The following CD276 variants were observed in gnomAD, a reference collection of about 807,000 sequenced individuals.
CD276 encodes the protein CD276 molecule.
CD276 carries 34 observed loss-of-function variants against 50.0 expected under a neutral mutation model. The ratio of observed to expected loss-of-function variants is 0.68; its 90% confidence interval spans 0.52 to 0.91. The LOEUF (loss-of-function observed/expected upper bound fraction) is 0.91, where lower values mean the gene tolerates loss of function less well. Among genes scored for constraint, CD276 ranks in the 40% least tolerant of loss-of-function variants. CD276 has a pLI of 0.00. For synonymous variants in CD276, 275 were observed against 313.0 expected, an observed-to-expected ratio of 0.88 and a Z score of 1.28; for missense variants, 634 against 717.5, an observed-to-expected ratio of 0.88 and a Z score of 1.33.
At chr15:73,708,494 G>A in intron 7 of CD276, 21 bp downstream of exon 7, 1 of 1,607,984 alleles carries the variant, frequency 6.2e-7, no homozygotes, top group Non-Finnish European at 8.5e-7. Context: ...GTGTATGTGT[G>A]TGCGTGCGCA....
chr15:73,706,919 C>A lies in CD276; in HGVS notation c.1370-1420C>A, dbSNP rs1031624703. Among the ~76,000 whole-genome samples the A allele has an allele frequency of 9.9e-5, 15 of 152,236 alleles. No individual in the cohort carries two copies. In the East Asian group the frequency reaches 2.7e-3, roughly 28 times the overall value. On this transcript the variant is annotated intron_variant, in intron 6 of 9. Coordinates refer to ENST00000318443, the MANE Select transcript of CD276 (RefSeq NM_001024736.2). ...AGTATTTCCATGGCTCTGCCCCCTCCTCTGCTGTCAGAGCCCCATGATGGG... is the reference window on the plus strand; with the variant it reads ...AGTATTTCCATGGCTCTGCCCCCTCATCTGCTGTCAGAGCCCCATGATGGG...
intron 9 of CD276, chr15:73,711,479 TG>T (rs1442024456): frequency 2.9e-6 from 1 of 340,108 alleles, no homozygotes; most frequent in African/African-American, 2.1e-5. Context: ...ACCTGGATTC[TG>T]CCCTCTTCAA....
At position 73,708,484 on chromosome 15, in the gene CD276, G is replaced by A. The variant is rs1596020018; in HGVS notation, c.1504+11G>A. ...AGGAGGAGAATGCAGGTGAGTGTGT[G>A]TGTATGTGTGTGCGTGCGCATGCAC... On this transcript the variant is annotated intron_variant, in intron 7 of 9. Transcript: ENST00000318443. 3.7e-6 allele frequency: 6 copies of A among 1,610,812 alleles called. No individual in the cohort carries two copies. The highest frequency in any genetic ancestry group is 1.3e-5 in the African/African-American group (1 of 74,900).
chr15:73,711,541 C>A (rs998942145), intron 9 of CD276: 1 of 215,006 alleles, frequency 4.7e-6, no homozygotes, highest in Non-Finnish European at 9.4e-6. Flanking sequence ...TCCCACGCCC[C>A]CTCCAGAGCC....
chr15:73,708,097 G>A (rs1900718784), intron 6 of CD276, among the ~76,000 whole-genome samples: 2 of 152,230 alleles, frequency 1.3e-5, no homozygotes, highest in Admixed American at 1.3e-4. Context: ...AGGTACTTGA[G>A]CATCAATTCA....
At chr15:73,694,170 C>T (rs1004544407) in intron 1 of CD276, among the ~76,000 whole-genome samples, 1 of 152,130 alleles carries the variant, frequency 6.6e-6, no homozygotes, top group East Asian at 1.9e-4. Context: ...ATCTCCAGGT[C>T]TCCTTGTTAT....
rs758852090 is a variant in CD276, at chr15:73,708,288, G to A, written c.1370-51G>A. On this transcript the variant is annotated intron_variant, in intron 6 of 9. Coordinates refer to ENST00000318443, the MANE Select transcript of CD276 (RefSeq NM_001024736.2). ...CTTGGAGCCAATGGTGCTGTCCTCC[G>A]GGACATGGGGCCAGGCATGACAGTC... The A allele has an allele frequency of 8.7e-6, 14 of 1,600,312 alleles. No individual in the cohort carries two copies. In the East Asian group the frequency reaches 1.8e-4, roughly 20 times the overall value.
At position 73,688,997 on chromosome 15, in the gene CD276, A is replaced by G. The variant is rs145818967; in HGVS notation, c.-55+4537A>G. 4.6e-5 allele frequency among the ~76,000 whole-genome samples: 7 copies of G among 152,226 alleles called. No individual in the cohort carries two copies. In the East Asian group the frequency reaches 1.4e-3, roughly 29 times the overall value. ...GTGGGCACCTAGCAGGACTCAGCAG[A>G]TATTGAGTGAATGCAGATGTGTGTG... On this transcript the variant is annotated intron_variant, in intron 1 of 9. Transcript: ENST00000318443.
At chr15:73,701,493 C>G (rs1005571512) in intron 2 of CD276, among the ~76,000 whole-genome samples, 1 of 152,228 alleles carries the variant, frequency 6.6e-6, no homozygotes, top group African/African-American at 2.4e-5. Context: ...GGGACATGCC[C>G]TCCCATCAGA....
intron 1 of CD276, among the ~76,000 whole-genome samples, chr15:73,697,295 G>A (rs1320502847): frequency 6.6e-6 from 1 of 151,980 alleles, no homozygotes; most frequent in African/African-American, 2.4e-5. Flanking sequence ...GAGAAGGGGG[G>A]CTGGCCAGGA....
In CD276 at chr15:73,704,085, C is replaced by T. The variant is rs11072432; in HGVS notation, c.1072+88C>T. The T allele has an allele frequency of 1.7e-3, 2,648 of 1,561,124 alleles. 10 individuals carry two copies. Among genetic ancestry groups the T allele is most frequent in the Non-Finnish European group, 2.1e-3 (2,382 of 1,152,364 alleles). On this transcript the variant is annotated intron_variant, in intron 5 of 9. Coordinates refer to ENST00000318443, the MANE Select transcript of CD276 (RefSeq NM_001024736.2). The surrounding 1 kb of genome is among the most constrained non-coding windows in gnomAD (Gnocchi z 4.1). ...CTCTGCTGCACCACTGCTCCCAGAA[C>T]CCCAGTGCTGATTCCTGTACTCAGC...
intron 1 of CD276, chr15:73,697,567 A>ATT (rs11444461): frequency 0.027 from 3,573 of 133,580 alleles, 164 homozygotes; most frequent in African/African-American, 0.077. Context: ...CTGGGCTTTA[A>ATT]TTTTTTTTTT....
chr15:73,702,933 C>G lies in CD276; in HGVS notation c.580C>G (p.Gln194Glu), dbSNP rs1179859140. The G allele has an allele frequency of 6.2e-7, 1 of 1,614,054 alleles. No individual in the cohort carries two copies. Among genetic ancestry groups the G allele is most frequent in the Non-Finnish European group, 8.5e-7 (1 of 1,180,056 alleles). The part of the protein sequence containing the change: ...VPLTGNVTTS[Q>E]MANEQGLFDV... ...CCTGACTGGCAACGTGACCACGTCG[C>G]AGATGGCCAACGAGCAGGGCTTGTT... Residue 194 changes from glutamine to glutamate, a missense_variant, in exon 4 of 10, where the codon CAG becomes GAG. Physicochemically the swap from Gln to Glu is conservative, Grantham distance 29 (BLOSUM62 2). Transcript: ENST00000318443.
At chr15:73,708,875 G>A (rs997895632) in intron 7 of CD276, among the ~76,000 whole-genome samples, 12 of 152,252 alleles carry the variant, frequency 7.9e-5, no homozygotes, top group Non-Finnish European at 1.6e-4. Context: ...GGCACTGGGG[G>A]TGATCGTGCC....
chr15:73,688,704 G>T (rs1472307101), intron 1 of CD276, among the ~76,000 whole-genome samples: 1 of 152,194 alleles, frequency 6.6e-6, no homozygotes, highest in Non-Finnish European at 1.5e-5. Context: ...AATGGGCCTG[G>T]AGCTAGGCGC....
rs780151174 is a variant in CD276, at chr15:73,711,164, AAAG to A, written c.1580_1582del (p.Glu527del). 6.8e-6 allele frequency: 11 copies of A among 1,613,814 alleles called. No individual in the cohort carries two copies. In the African/African-American group the frequency reaches 1.3e-4, roughly 20 times the overall value. On this transcript the variant is annotated inframe_deletion, in exon 9 of 10. Transcript: ENST00000318443. Reference sequence around the variant, plus strand: ...GCAGCCTCTGAAACACTCTGACAGCAAAGAAGGTAAAGACACCTGGGCTTGAGG... The same window carrying A: ...GCAGCCTCTGAAACACTCTGACAGCAAAGGTAAAGACACCTGGGCTTGAGG...
In CD276 at chr15:73,695,938, C is replaced by A. The variant is rs567938084; in HGVS notation, c.-54-3648C>A. Reference sequence around the variant, plus strand: ...TGGGGGGCAAGGAGACCCTCTTGGGCATCCCCAGGCCCAGGGCATTTTGGC... The same window carrying A: ...TGGGGGGCAAGGAGACCCTCTTGGGAATCCCCAGGCCCAGGGCATTTTGGC... On this transcript the variant is annotated intron_variant, in intron 1 of 9. Coordinates refer to ENST00000318443, the MANE Select transcript of CD276 (RefSeq NM_001024736.2). Among the ~76,000 whole-genome samples, 12 of 152,352 alleles carry A rather than the reference C, an allele frequency of 7.9e-5. No individual in the cohort carries two copies. The East Asian group carries it at 2.3e-3, about 29-fold the overall frequency.
chr15:73,706,446 A>G (rs1053926048), intron 6 of CD276, among the ~76,000 whole-genome samples: 2 of 148,730 alleles, frequency 1.3e-5, no homozygotes, highest in East Asian at 4.0e-4. Context: ...CAGTTTGCAC[A>G]TAACTCTGGA....
intron 1 of CD276, among the ~76,000 whole-genome samples, chr15:73,695,602 G>A (rs1292958889): frequency 2.6e-5 from 4 of 152,122 alleles, no homozygotes; most frequent in Admixed American, 1.3e-4. Context: ...CAGGAACTCC[G>A]TAAGTAGTGA....
Sources: allele counts gnomAD v4.1 joint callset (sites outside exome capture counted in the v4.1 genomes callset), GRCh38; gene constraint gnomAD v4.1.1; non-coding constraint Gnocchi (gnomAD v3.1); transcripts MANE v1.5; gene names NCBI Gene and HGNC (gene_info 2026-07-23, HGNC 2026-07-21).